Variants in ARL15 observed in about 807,000 individuals in gnomAD.
ARL15 encodes the protein ARF like GTPase 15.
In ARL15, 19 loss-of-function variants were observed where a neutral mutation model predicts 25.2. That is an observed-to-expected ratio of 0.75 (90% confidence interval 0.53 to 1.10). ARL15 has a LOEUF of 1.10. Among genes scored for constraint, ARL15 ranks in the 50% least tolerant of loss-of-function variants. The pLI is 0.00. For missense variants in ARL15, 220 were observed against 246.0 expected, an observed-to-expected ratio of 0.89 and a Z score of 0.71; for synonymous variants, 94 against 86.8, an observed-to-expected ratio of 1.08 and a Z score of -0.46.
At chr5:54,084,793 C>G (rs985471192) in intron 4 of ARL15, among the ~76,000 whole-genome samples, 3 of 151,936 alleles carry the variant, frequency 2.0e-5, no homozygotes, top group Non-Finnish European at 4.4e-5. Context: ...CATGTTCTGG[C>G]GAAAAAAACT....
intron 4 of ARL15, among the ~76,000 whole-genome samples, chr5:54,056,525 G>A (rs369274725): frequency 6.6e-6 from 1 of 151,210 alleles, no homozygotes; most frequent in East Asian, 1.9e-4. Flanking sequence ...AGCTACTCGG[G>A]AGGCTGAGGC....
chr5:53,927,718 T>TA, intron 4 of ARL15, among the ~76,000 whole-genome samples: 1 of 151,988 alleles, frequency 6.6e-6, no homozygotes, highest in East Asian at 1.9e-4. Context: ...AAAAATAACA[T>TA]AAAAAATTGA....
Position 54,103,188 on chromosome 5 carries a change from T to G in ARL15, c.462+10014A>C, listed in dbSNP as rs149662681. Among the ~76,000 whole-genome samples the G allele has an allele frequency of 6.6e-3, 999 of 152,246 alleles. 7 individuals carry two copies. The highest frequency in any genetic ancestry group is 0.011 in the Non-Finnish European group (760 of 67,998). Reference sequence around the variant, plus strand: ...TTTTTTTTTTGTTGTCAAATATTTATATGTGTACCAATTTAGATCTTGGAA... The same window carrying G: ...TTTTTTTTTTGTTGTCAAATATTTAGATGTGTACCAATTTAGATCTTGGAA... On this transcript the variant is annotated intron_variant, in intron 4 of 4. Transcript: ENST00000504924.
At chr5:53,886,792 G>T in intron 4 of ARL15, 79 bp from the exon 5 acceptor site, 1 of 1,361,824 alleles carries the variant, frequency 7.3e-7, no homozygotes, top group Non-Finnish European at 9.9e-7. Context: ...GAGGGATAAA[G>T]TAGGGGAATT....
intron 1 of ARL15, among the ~76,000 whole-genome samples, chr5:54,245,085 C>T (rs1757056176): frequency 2.0e-5 from 3 of 152,100 alleles, no homozygotes; most frequent in African/African-American, 7.2e-5. Flanking sequence ...TAACTTCAAT[C>T]TTCCCTCCTG....
chr5:54,027,197 G>C (rs563850150), intron 4 of ARL15, among the ~76,000 whole-genome samples: 33 of 152,160 alleles, frequency 2.2e-4, no homozygotes, highest in Non-Finnish European at 4.3e-4. Flanking sequence ...AATTATCCAG[G>C]ATTTCTAGAC....
At chr5:53,961,760 A>T (rs1747380647) in intron 4 of ARL15, among the ~76,000 whole-genome samples, 1 of 152,206 alleles carries the variant, frequency 6.6e-6, no homozygotes, top group Admixed American at 6.5e-5. Flanking sequence ...GTTTCCTTCC[A>T]GAACAAAATA....
intron 1 of ARL15, among the ~76,000 whole-genome samples, chr5:54,232,027 C>G (rs1487969890): frequency 6.6e-6 from 1 of 152,170 alleles, no homozygotes; most frequent in African/African-American, 2.4e-5. Flanking sequence ...CATGTGCTGT[C>G]TCTAAATCCA....
intron 4 of ARL15, among the ~76,000 whole-genome samples, chr5:53,963,578 C>T (rs1242316077): frequency 2.6e-5 from 4 of 152,116 alleles, no homozygotes; most frequent in South Asian, 2.1e-4. Context: ...GAGGCCAAGA[C>T]GGGTGCATCA....
chr5:54,077,101 A>G (rs1751634586), intron 4 of ARL15, among the ~76,000 whole-genome samples: 1 of 152,122 alleles, frequency 6.6e-6, no homozygotes, highest in Admixed American at 6.5e-5. Flanking sequence ...GTACCGTTAA[A>G]TTTTTCTTAT....
intron 1 of ARL15, among the ~76,000 whole-genome samples, chr5:54,229,870 T>C (rs536946024): frequency 6.6e-6 from 1 of 152,228 alleles, no homozygotes; most frequent in South Asian, 2.1e-4. Flanking sequence ...TTCTCCCCTT[T>C]GAGGCCAAAT....
At chr5:54,175,633 C>G (rs1480456942) in intron 1 of ARL15, among the ~76,000 whole-genome samples, 5 of 150,496 alleles carry the variant, frequency 3.3e-5, no homozygotes, top group Non-Finnish European at 5.9e-5. Flanking sequence ...CCATGCCCAG[C>G]CTTCTCTTCT....
chr5:53,940,731 T>C (rs920787129), intron 4 of ARL15, among the ~76,000 whole-genome samples: 16 of 152,220 alleles, frequency 1.1e-4, no homozygotes, highest in African/African-American at 3.9e-4. Context: ...TCTAGAGCTT[T>C]TATGTTTCAT....
At chr5:54,264,003 A>G (rs1757561760) in intron 1 of ARL15, among the ~76,000 whole-genome samples, 1 of 152,140 alleles carries the variant, frequency 6.6e-6, no homozygotes, top group South Asian at 2.1e-4. Context: ...CCTTCAGTAT[A>G]TCACAGAATA....
chr5:54,210,914 C>A (rs1344067629), intron 1 of ARL15, among the ~76,000 whole-genome samples: 1 of 152,150 alleles, frequency 6.6e-6, no homozygotes, highest in Non-Finnish European at 1.5e-5. Flanking sequence ...GCTTTTTCTG[C>A]AATAACACAT....
chr5:54,214,591 A>G (rs1756129617), intron 1 of ARL15, among the ~76,000 whole-genome samples: 1 of 152,074 alleles, frequency 6.6e-6, no homozygotes, highest in Non-Finnish European at 1.5e-5. Context: ...CACCCTCACT[A>G]CTAAGCCGCA....
rs563413973 is a variant in ARL15 at position 54,218,205 on chromosome 5, C to T, written c.49-46277G>A. On this transcript the variant is annotated intron_variant, in intron 1 of 4. Transcript: ENST00000504924. Reference sequence around the variant, plus strand: ...ACATTCAGATTGGCCACGGTTTTACCTCTGACTTTTAAAGACTTAATATTT... The same window carrying T: ...ACATTCAGATTGGCCACGGTTTTACTTCTGACTTTTAAAGACTTAATATTT... Among the ~76,000 whole-genome samples the T allele has an allele frequency of 7.2e-5, 11 of 152,224 alleles. No individual in the cohort carries two copies. In the South Asian group the frequency reaches 2.3e-3, roughly 32 times the overall value.
At chr5:54,134,305 T>C (rs564052264) in intron 3 of ARL15, among the ~76,000 whole-genome samples, 1 of 152,276 alleles carries the variant, frequency 6.6e-6, no homozygotes, top group African/African-American at 2.4e-5. Flanking sequence ...GACAAGTCTC[T>C]TACAGTATCC....
chr5:54,181,651 T>C (rs1035114146), intron 1 of ARL15, among the ~76,000 whole-genome samples: 1 of 152,190 alleles, frequency 6.6e-6, no homozygotes, highest in Non-Finnish European at 1.5e-5. Context: ...AGGAGCTAGG[T>C]GGTCGGGCAC....
Sources: gnomAD v4.1 joint callset for allele counts (sites outside exome capture counted in the v4.1 genomes callset) on GRCh38, gnomAD v4.1.1 for gene constraint, MANE v1.5 for transcripts, NCBI Gene and HGNC (gene_info 2026-07-23, HGNC 2026-07-21) for gene names.